WDR70: variants seen among roughly 807,000 people sequenced by gnomAD.
WDR70 encodes the protein WD repeat domain 70.
A neutral mutation model predicts 88.6 loss-of-function variants in WDR70; 53 were observed. The observed-to-expected ratio is 0.60, with a 90% CI of 0.48 to 0.75. The LOEUF is 0.75. Among genes scored for constraint, WDR70 ranks in the 30% least tolerant of loss-of-function variants. The pLI, the probability that WDR70 is intolerant of heterozygous loss-of-function variation, is 0.00. For synonymous variants in WDR70, 280 were observed against 270.0 expected (o/e 1.04, Z -0.36); for missense variants, 610 against 823.2 (o/e 0.74, Z 3.17).
At chr5:37,412,526 T>C (rs563106729) in intron 5 of WDR70, among the ~76,000 whole-genome samples, 102 of 152,346 alleles carry the variant, frequency 6.7e-4, no homozygotes, top group African/African-American at 2.3e-3. Flanking sequence ...GGATTTTCAT[T>C]ATCTTTGCTA....
intron 17 of WDR70, among the ~76,000 whole-genome samples, chr5:37,742,892 A>G (rs1237047477): frequency 6.6e-6 from 1 of 152,218 alleles, no homozygotes; most frequent in Non-Finnish European, 1.5e-5. Context: ...GCATTGGGAA[A>G]ATTGCCAGGA....
chr5:37,387,890 G>A (rs1257947031), intron 3 of WDR70, among the ~76,000 whole-genome samples: 2 of 152,048 alleles, frequency 1.3e-5, no homozygotes, highest in Non-Finnish European at 2.9e-5. Context: ...GGTATTGATA[G>A]TACACTTGAG....
At chr5:37,607,710 A>G (rs1212117579) in intron 10 of WDR70, among the ~76,000 whole-genome samples, 1 of 152,208 alleles carries the variant, frequency 6.6e-6, no homozygotes, top group Non-Finnish European at 1.5e-5. Flanking sequence ...TTAATGGACA[A>G]TATAGACCAT....
chr5:37,581,077 T>C (rs1743204268), intron 9 of WDR70, among the ~76,000 whole-genome samples: 1 of 152,176 alleles, frequency 6.6e-6, no homozygotes, highest in African/African-American at 2.4e-5. Flanking sequence ...TGGAGACATA[T>C]TCAGTTAAGC....
chr5:37,456,703 C>T (rs1683284106), intron 7 of WDR70, among the ~76,000 whole-genome samples: 1 of 152,060 alleles, frequency 6.6e-6, no homozygotes, highest in Non-Finnish European at 1.5e-5. Context: ...GCATGAATTA[C>T]TTTTACAACT....
At chr5:37,606,985 C>T (rs748905502) in intron 10 of WDR70, among the ~76,000 whole-genome samples, 37 of 144,106 alleles carry the variant, frequency 2.6e-4, no homozygotes, top group Non-Finnish European at 3.2e-4. Flanking sequence ...GTCACCTAGG[C>T]TGGAGTGCAG....
At chr5:37,660,116 A>C (rs1238115121) in intron 10 of WDR70, among the ~76,000 whole-genome samples, 1 of 152,162 alleles carries the variant, frequency 6.6e-6, no homozygotes, top group Non-Finnish European at 1.5e-5. Context: ...TAATCTGTTA[A>C]TTGATAGAAA....
chr5:37,555,876 G>A (rs1260644140), intron 9 of WDR70, among the ~76,000 whole-genome samples: 1 of 151,938 alleles, frequency 6.6e-6, no homozygotes, highest in African/African-American at 2.4e-5. Flanking sequence ...ATGCCAACAC[G>A]CCTGACTAAT....
At chr5:37,383,643 G>T (rs1314931817) in intron 3 of WDR70, among the ~76,000 whole-genome samples, 1 of 151,828 alleles carries the variant, frequency 6.6e-6, no homozygotes, top group African/African-American at 2.4e-5. Flanking sequence ...GCAGTGGTGC[G>T]ATCTTGGCTC....
intron 4 of WDR70, among the ~76,000 whole-genome samples, chr5:37,395,973 A>AT (rs1205794751): frequency 1.3e-5 from 2 of 151,882 alleles, no homozygotes; most frequent in African/African-American, 2.4e-5. Context: ...GCTAATTTTT[A>AT]TTTTTTGTAG....
intron 9 of WDR70, among the ~76,000 whole-genome samples, chr5:37,530,240 ATC>A (rs1581370542): frequency 6.6e-6 from 1 of 151,788 alleles, no homozygotes; most frequent in African/African-American, 2.4e-5. Context: ...GGGTTTTTAC[ATC>A]TCAGGGATAT....
At chr5:37,722,765 T>C in intron 14 of WDR70, 90 bp from the exon 15 acceptor site, 7 of 1,171,868 alleles carry the variant, frequency 6.0e-6, no homozygotes, top group Non-Finnish European at 6.2e-6. Flanking sequence ...ATGCACAGAG[T>C]ATGTTCCTGA....
At chr5:37,504,141 T>A (rs1740484062) in intron 8 of WDR70, among the ~76,000 whole-genome samples, 1 of 152,326 alleles carries the variant, frequency 6.6e-6, no homozygotes, top group Admixed American at 6.5e-5. Flanking sequence ...TTTTTTGTCA[T>A]ATGATTGATT....
intron 17 of WDR70, among the ~76,000 whole-genome samples, chr5:37,732,432 T>C (rs978026690): frequency 6.6e-6 from 1 of 152,170 alleles, no homozygotes; most frequent in African/African-American, 2.4e-5. Flanking sequence ...ATGACAGTTA[T>C]GTTGTTTTCA....
intron 5 of WDR70, among the ~76,000 whole-genome samples, chr5:37,435,692 G>GA (rs1353701583): frequency 1.3e-5 from 2 of 152,170 alleles, no homozygotes; most frequent in Admixed American, 1.3e-4. Context: ...TTCAGCTTTT[G>GA]AAAATCTTAG....
chr5:37,723,394 G>A (rs1268864601), intron 15 of WDR70: 1 of 156,580 alleles, frequency 6.4e-6, no homozygotes, highest in Non-Finnish European at 1.4e-5. Flanking sequence ...CCATGTGCTA[G>A]ACTGATCCAC....
At chr5:37,435,975 G>C (rs746778945) in intron 5 of WDR70, among the ~76,000 whole-genome samples, 1 of 152,018 alleles carries the variant, frequency 6.6e-6, no homozygotes, top group African/African-American at 2.4e-5. Flanking sequence ...TTTGATAAGG[G>C]GGTGGTGGTG....
At chr5:37,395,063 C>T (rs139555756) in intron 4 of WDR70, among the ~76,000 whole-genome samples, 13 of 152,296 alleles carry the variant, frequency 8.5e-5, no homozygotes, top group African/African-American at 2.9e-4. Context: ...GAAATTCGTG[C>T]TTTCCTGGAG....
chr5:37,416,502 AGAGAGGGAGAGGGAGATCGTGGG>A lies in WDR70; in HGVS notation c.492+19972_492+19994del, dbSNP rs1462058800. Among the ~76,000 whole-genome samples, 858 of 150,854 alleles carry A rather than the reference AGAGAGGGAGAGGGAGATCGTGGG, an allele frequency of 5.7e-3. 13 individuals carry two copies. Among genetic ancestry groups the A allele is most frequent in the African/African-American group, 0.018 (739 of 40,638 alleles). ...TCGGCATCAGAGGGAGATCGTGGAA[AGAGAGGGAGAGGGAGATCGTGGG>A]GAGAGGGAGAGGGAGATCGTGGGGA... On this transcript the variant is annotated intron_variant, in intron 5 of 17. Coordinates refer to ENST00000265107, the MANE Select transcript of WDR70 (RefSeq NM_018034.4).
Sources: gnomAD v4.1 joint callset for allele counts (sites outside exome capture counted in the v4.1 genomes callset) on GRCh38, gnomAD v4.1.1 for gene constraint, MANE v1.5 for transcripts, NCBI Gene and HGNC (gene_info 2026-07-23, HGNC 2026-07-21) for gene names.